The following BNC2 variants were observed in gnomAD, a reference collection of about 807,000 sequenced individuals.
The protein encoded by BNC2 is zinc finger protein basonuclin-2.
A neutral mutation model predicts 76.3 loss-of-function variants in BNC2; 20 were observed. That is an observed-to-expected ratio of 0.26 (90% CI 0.18 to 0.38). The LOEUF is 0.38. Ranked by LOEUF, BNC2 falls within the 10% of genes least tolerant of loss-of-function variation. The pLI is 1.00. For missense variants in BNC2, 1,382 were observed against 1,399.8 expected (o/e 0.99, Z 0.20); for synonymous variants, 582 against 514.8 (o/e 1.13, Z -1.77).
At chr9:16,770,383 A>G (rs1825802205) in intron 1 of BNC2, among the ~76,000 whole-genome samples, 1 of 152,234 alleles carries the variant, frequency 6.6e-6, no homozygotes, top group South Asian at 2.1e-4. Context: ...TACTTCTTAA[A>G]TAATTCACTG....
chr9:16,694,363 T>A (rs1354456715), intron 3 of BNC2, among the ~76,000 whole-genome samples: 6 of 151,916 alleles, frequency 3.9e-5, no homozygotes, highest in African/African-American at 9.7e-5. Context: ...ATTATGATTT[T>A]AAAAAAAAGT....
chr9:16,710,859 C>T (rs903697394), intron 3 of BNC2, among the ~76,000 whole-genome samples: 3 of 152,136 alleles, frequency 2.0e-5, no homozygotes, highest in Non-Finnish European at 2.9e-5. Context: ...TGTATTTGCT[C>T]ATCACAGGAC....
At chr9:16,848,673 T>A (rs1819050553) in intron 1 of BNC2, among the ~76,000 whole-genome samples, 1 of 152,138 alleles carries the variant, frequency 6.6e-6, no homozygotes, top group South Asian at 2.1e-4. Context: ...TAAAAAAGAC[T>A]TTGGGATTTG....
intron 3 of BNC2, among the ~76,000 whole-genome samples, chr9:16,683,922 T>G (rs1457669566): frequency 6.6e-6 from 1 of 152,192 alleles, no homozygotes; most frequent in African/African-American, 2.4e-5. Context: ...TATCCAATAA[T>G]GTCACTTTCA....
At chr9:16,527,649 G>A (rs1817846537) in intron 5 of BNC2, among the ~76,000 whole-genome samples, 1 of 152,160 alleles carries the variant, frequency 6.6e-6, no homozygotes, top group Non-Finnish European at 1.5e-5. Context: ...CGGCTAAAGA[G>A]TTATTAATGG....
At chr9:16,740,682 G>C (rs1824821088) in intron 1 of BNC2, among the ~76,000 whole-genome samples, 1 of 152,142 alleles carries the variant, frequency 6.6e-6, no homozygotes, top group Non-Finnish European at 1.5e-5. Flanking sequence ...TTCATAAGTT[G>C]GCAGTTTGTT....
intron 6 of BNC2, among the ~76,000 whole-genome samples, chr9:16,431,129 C>A (rs903303649): frequency 3.9e-5 from 6 of 152,132 alleles, no homozygotes; most frequent in Non-Finnish European, 5.9e-5. Flanking sequence ...CTATACAGAT[C>A]ATCTAGTTTC....
At chr9:16,650,101 T>G (rs1821750602) in intron 3 of BNC2, among the ~76,000 whole-genome samples, 1 of 152,138 alleles carries the variant, frequency 6.6e-6, no homozygotes, top group Admixed American at 6.5e-5. Flanking sequence ...TGGAGATAAA[T>G]GCACAGTTGG....
chr9:16,818,935 C>T (rs966188274), intron 1 of BNC2, among the ~76,000 whole-genome samples: 1 of 152,160 alleles, frequency 6.6e-6, no homozygotes, highest in East Asian at 1.9e-4. Flanking sequence ...TACATCCTAT[C>T]TTAACAATAT....
intron 3 of BNC2, among the ~76,000 whole-genome samples, chr9:16,707,899 C>G (rs1303065173): frequency 6.6e-6 from 1 of 152,170 alleles, no homozygotes; most frequent in African/African-American, 2.4e-5. Context: ...ACCTTAGCCT[C>G]CCAAAGTGCT....
chr9:16,791,876 G>C (rs1442597737), intron 1 of BNC2, among the ~76,000 whole-genome samples: 1 of 152,140 alleles, frequency 6.6e-6, no homozygotes, highest in Admixed American at 6.5e-5. Flanking sequence ...GCCAAGGCAG[G>C]TGGATCACTT....
chr9:16,741,377 T>A (rs1468805260), intron 1 of BNC2, among the ~76,000 whole-genome samples: 1 of 151,202 alleles, frequency 6.6e-6, no homozygotes, highest in Non-Finnish European at 1.5e-5. Flanking sequence ...CACTTGAACC[T>A]GGGAGGTGGA....
At chr9:16,809,214 G>C (rs1182727754) in intron 1 of BNC2, among the ~76,000 whole-genome samples, 1 of 152,134 alleles carries the variant, frequency 6.6e-6, no homozygotes, top group African/African-American at 2.4e-5. Flanking sequence ...GCTAGAGGAA[G>C]AACTGTTGAC....
At chr9:16,529,627 TG>T (rs1481812843) in intron 5 of BNC2, among the ~76,000 whole-genome samples, 1 of 152,154 alleles carries the variant, frequency 6.6e-6, no homozygotes, top group East Asian at 1.9e-4. Context: ...GCATAATAGA[TG>T]ATGATTACTA....
At chr9:16,465,571 A>T (rs937575389) in intron 5 of BNC2, among the ~76,000 whole-genome samples, 1 of 152,192 alleles carries the variant, frequency 6.6e-6, no homozygotes, top group Non-Finnish European at 1.5e-5. Context: ...TCACAATTGT[A>T]TACTGGTTGA....
At chr9:16,674,121 T>C (rs937418080) in intron 3 of BNC2, among the ~76,000 whole-genome samples, 1 of 152,190 alleles carries the variant, frequency 6.6e-6, no homozygotes, top group African/African-American at 2.4e-5. Context: ...ACAGCATCAA[T>C]TTCATATCCT....
At chr9:16,832,915 G>A (rs148589683) in intron 1 of BNC2, among the ~76,000 whole-genome samples, 119 of 152,018 alleles carry the variant, frequency 7.8e-4, no homozygotes, top group African/African-American at 2.7e-3. Context: ...TAGTAGAGAC[G>A]AGGTTTCACC....
At chr9:16,820,695 G>A (rs1818304213) in intron 1 of BNC2, among the ~76,000 whole-genome samples, 1 of 151,708 alleles carries the variant, frequency 6.6e-6, no homozygotes, top group Admixed American at 6.6e-5. Context: ...CGGTCCTAGA[G>A]GAAAAATATT....
At chr9:16,828,407 C>A (rs1057258782) in intron 1 of BNC2, among the ~76,000 whole-genome samples, 1 of 152,306 alleles carries the variant, frequency 6.6e-6, no homozygotes, top group Non-Finnish European at 1.5e-5. Flanking sequence ...ATAAACCCTT[C>A]CCATGAAATG....
Sources: allele counts gnomAD v4.1 joint callset (sites outside exome capture counted in the v4.1 genomes callset), GRCh38; gene constraint gnomAD v4.1.1; transcripts MANE v1.5; gene names NCBI Gene and HGNC (gene_info 2026-07-23, HGNC 2026-07-21).